PUM1: variants seen among roughly 807,000 people sequenced by gnomAD.
PUM1 encodes pumilio RNA binding family member 1.
In PUM1, 13 loss-of-function variants were observed where a neutral mutation model predicts 131.8. The observed-to-expected ratio is 0.10, with a 90% confidence interval of 0.06 to 0.16. PUM1 has a LOEUF of 0.16. Ranked by LOEUF, PUM1 falls within the 10% of genes least tolerant of loss-of-function variation. PUM1 has a pLI of 1.00. For synonymous variants in PUM1, 509 were observed against 556.5 expected (o/e 0.91, Z 1.20); for missense variants, 961 against 1,512.4 (o/e 0.64, Z 6.05).
chr1:31,064,430 G>A (rs1644435694), intron 1 of PUM1, among the ~76,000 whole-genome samples: 1 of 151,970 alleles, frequency 6.6e-6, no homozygotes, highest in Non-Finnish European at 1.5e-5. Flanking sequence ...ATTAGCAAAG[G>A]GTCAAAATGT....
rs548385816 is a variant in PUM1, at chr1:30,940,302, C to T, written c.3242+849G>A. On this transcript the variant is annotated intron_variant, in intron 20 of 21. Transcript: ENST00000426105. ...CAGCCCCTGGCCAATATGGTGAAAC[C>T]CTGTCTCTACAAAAATAAAAAAAAG... Among the ~76,000 whole-genome samples the T allele has an allele frequency of 1.0e-3, 152 of 152,130 alleles. 1 individual carries two copies. The highest frequency in any genetic ancestry group is 3.4e-3 in the African/African-American group (142 of 41,478).
intron 2 of PUM1, among the ~76,000 whole-genome samples, chr1:31,057,821 T>C (rs1644280595): frequency 6.6e-6 from 1 of 151,722 alleles, no homozygotes; most frequent in Non-Finnish European, 1.5e-5. Flanking sequence ...TTGTACCTGA[T>C]TTTTTCTGAA....
chr1:30,980,888 G>A (rs1433878448), intron 8 of PUM1, among the ~76,000 whole-genome samples: 2 of 152,118 alleles, frequency 1.3e-5, no homozygotes, highest in Non-Finnish European at 2.9e-5. Flanking sequence ...AATTATATGA[G>A]AATACTTTTA....
chr1:30,943,727 A>C (rs1365340431), intron 18 of PUM1, among the ~76,000 whole-genome samples: 1 of 152,232 alleles, frequency 6.6e-6, no homozygotes, highest in East Asian at 1.9e-4. Context: ...AGACAATACT[A>C]AATTATTTTC....
At chr1:31,026,989 TAAAA>T (rs944101135) in intron 3 of PUM1, among the ~76,000 whole-genome samples, 1 of 143,550 alleles carries the variant, frequency 7.0e-6, no homozygotes, top group Non-Finnish European at 1.5e-5. Context: ...AAAAAAATGA[TAAAA>T]AAAGAATTTA....
intron 1 of PUM1, 93 bp from the exon 2 acceptor site, chr1:31,059,670 A>G: frequency 7.0e-7 from 1 of 1,427,776 alleles, no homozygotes; most frequent in Non-Finnish European, 9.4e-7. Flanking sequence ...GTCTTTTACA[A>G]TAAATAAATG....
In PUM1 at chr1:30,953,935, G is replaced by A. The variant is rs144664541; in HGVS notation, c.2370C>T (p.Gly790=). ...GSGRYISAAP[G]AEAKYRSASS... Reference sequence around the variant, plus strand: ...TTGCACTGCGGTACTTGGCTTCAGCGCCTGGAGCAGCAGAGATGTATCTTC... The same window carrying A: ...TTGCACTGCGGTACTTGGCTTCAGCACCTGGAGCAGCAGAGATGTATCTTC... Residue 790 remains glycine, a synonymous_variant, in exon 15 of 22, where the codon GGC becomes GGT. Transcript: ENST00000426105. 5.8e-5 allele frequency: 94 copies of A among 1,614,062 alleles called. No individual in the cohort carries two copies. The African/African-American group carries it at 6.4e-4, about 11-fold the overall frequency.
chr1:31,058,365 A>G (rs1441622761), intron 2 of PUM1, among the ~76,000 whole-genome samples: 2 of 152,240 alleles, frequency 1.3e-5, no homozygotes, highest in Non-Finnish European at 1.5e-5. Flanking sequence ...AAGTGTTCTT[A>G]AAAATGCGTT....
At chr1:31,050,302 T>C (rs907037982) in intron 2 of PUM1, among the ~76,000 whole-genome samples, 7 of 151,900 alleles carry the variant, frequency 4.6e-5, no homozygotes, top group Admixed American at 3.3e-4. Flanking sequence ...CTGGACAACA[T>C]TGTGAAACCC....
intron 3 of PUM1, among the ~76,000 whole-genome samples, chr1:31,019,429 C>T (rs1357764672): frequency 3.9e-5 from 6 of 152,338 alleles, no homozygotes; most frequent in African/African-American, 1.4e-4. Context: ...TGATGACTAC[C>T]ATTAAACTTC....
intron 21 of PUM1, among the ~76,000 whole-genome samples, chr1:30,933,710 T>C (rs1325854468): frequency 1.3e-5 from 2 of 152,188 alleles, no homozygotes; most frequent in Non-Finnish European, 2.9e-5. Flanking sequence ...AGTGCTTCCC[T>C]GCAAGCATGA....
At chr1:30,955,227 G>A (rs141343426) in intron 14 of PUM1, among the ~76,000 whole-genome samples, 18 of 151,632 alleles carry the variant, frequency 1.2e-4, no homozygotes, top group South Asian at 2.1e-4. Context: ...AGGCTGAGAC[G>A]GGCCGATCAC....
chr1:30,962,787 T>C (rs1358476727), intron 14 of PUM1, among the ~76,000 whole-genome samples: 2 of 152,170 alleles, frequency 1.3e-5, no homozygotes, highest in Non-Finnish European at 2.9e-5. Flanking sequence ...TGTGGTTGCT[T>C]TCACACTTCA....
At chr1:30,943,845 C>T (rs1031631452) in intron 18 of PUM1, among the ~76,000 whole-genome samples, 1 of 152,096 alleles carries the variant, frequency 6.6e-6, no homozygotes, top group Non-Finnish European at 1.5e-5. Flanking sequence ...CTTAATTTTG[C>T]ATTTTCCTTG....
intron 7 of PUM1, chr1:30,981,878 T>C (rs1385927382): frequency 6.6e-6 from 1 of 152,290 alleles, no homozygotes; most frequent in Non-Finnish European, 1.5e-5. Flanking sequence ...CTCCTTTCAG[T>C]GCTTTCAAGA....
chr1:30,965,698 C>T (rs7515568), intron 13 of PUM1, among the ~76,000 whole-genome samples: 59,196 of 152,020 alleles, frequency 0.39, 11,990 homozygotes, highest in Admixed American at 0.46. Context: ...TCAATTTCTA[C>T]AGTTCCCTCA....
intron 5 of PUM1, among the ~76,000 whole-genome samples, chr1:30,996,215 C>T (rs72657297): frequency 0.15 from 23,309 of 152,176 alleles, 2,151 homozygotes; most frequent in Non-Finnish European, 0.21. Context: ...CTTTTCCCCA[C>T]GACTGACTCC....
chr1:30,945,939 C>A (rs556938043), intron 17 of PUM1, among the ~76,000 whole-genome samples: 1 of 151,932 alleles, frequency 6.6e-6, no homozygotes, highest in Non-Finnish European at 1.5e-5. Context: ...GTGTGTACCA[C>A]CACACCTGGC....
chr1:30,968,485 C>G lies in PUM1; in HGVS notation c.1514G>C (p.Arg505Pro). ...CAAAGGACGTTGGCTGGCTCCTCCA[C>G]GGAGAACCTGGGAAAGGAAGACAGA... Reference protein sequence around the residue: ...QAQQGQQQVLRGGASQRPLTP... With the variant: ...QAQQGQQQVLPGGASQRPLTP... The change falls in exon 11 of 22, where the codon CGT (arginine) becomes CCT (proline). Residue 505 changes from arginine (R) to proline (P), a missense_variant. By Grantham distance (103) the Arg-to-Pro change is moderately radical. Transcript: ENST00000426105. 1 of 1,591,782 alleles carries G rather than the reference C, an allele frequency of 6.3e-7. No homozygotes were observed. Among genetic ancestry groups the G allele is most frequent in the South Asian group, 1.2e-5 (1 of 86,582 alleles).
Sources: allele counts gnomAD v4.1 joint callset (sites outside exome capture counted in the v4.1 genomes callset), GRCh38; gene constraint gnomAD v4.1.1; transcripts MANE v1.5; gene names NCBI Gene and HGNC (gene_info 2026-07-23, HGNC 2026-07-21).